CYP39A1: variants seen among roughly 807,000 people sequenced by gnomAD.
CYP39A1 encodes 24-hydroxycholesterol 7-alpha-hydroxylase.
A neutral mutation model predicts 58.1 loss-of-function variants in CYP39A1; 49 were observed. That is an observed-to-expected ratio of 0.84 (90% CI 0.67 to 1.07). The LOEUF is 1.07. Ranked by LOEUF, CYP39A1 falls within the 50% of genes least tolerant of loss-of-function variation. The pLI is 0.00. For synonymous variants in CYP39A1, 209 were observed against 187.6 expected (o/e 1.11, Z -0.93); for missense variants, 531 against 539.4 (o/e 0.98, Z 0.16).
chr6:46,652,664 C>T lies in CYP39A1; in HGVS notation c.-82G>A. On this transcript the variant is annotated 5_prime_UTR_variant, in exon 1 of 12. Coordinates refer to ENST00000275016, the MANE Select transcript of CYP39A1 (RefSeq NM_016593.5). ...TGCTTCTTTTCTGTGGGCTACGGAA[C>T]CTGTCGGGACTCCCAACCTTTCTGC... is the stretch of plus-strand genomic sequence containing the variant. 7.5e-7 allele frequency: 1 copy of T among 1,325,764 alleles called. No individual in the cohort carries two copies. The highest frequency in any genetic ancestry group is 1.6e-5 in the South Asian group (1 of 61,286). 82.1% of individuals were successfully genotyped at this position (1,325,764 alleles called of 1,614,324 possible). A position where few individuals can be genotyped will look rare whatever the true frequency, so the allele number is the denominator to read the frequency against.
chr6:46,573,357 T>C (rs1582314398), intron 10 of CYP39A1, among the ~76,000 whole-genome samples: 2 of 152,280 alleles, frequency 1.3e-5, no homozygotes, highest in Admixed American at 1.3e-4. Flanking sequence ...TGTGGTGGCA[T>C]AGTCTGTGCA....
intron 10 of CYP39A1, among the ~76,000 whole-genome samples, chr6:46,561,989 TAATAAC>T (rs1771001874): frequency 6.6e-6 from 1 of 152,152 alleles, no homozygotes; most frequent in Non-Finnish European, 1.5e-5. Flanking sequence ...TGGCTACAGT[TAATAAC>T]AATATGAAAG....
chr6:46,633,993 C>A (rs1465850184), intron 5 of CYP39A1, among the ~76,000 whole-genome samples: 1 of 152,186 alleles, frequency 6.6e-6, no homozygotes, highest in East Asian at 1.9e-4. Flanking sequence ...AAGTTGAATT[C>A]TCTCCTAAAG....
At chr6:46,617,897 T>C (rs1774711037) in intron 7 of CYP39A1, among the ~76,000 whole-genome samples, 1 of 152,166 alleles carries the variant, frequency 6.6e-6, no homozygotes, top group African/African-American at 2.4e-5. Flanking sequence ...ATATTAGACA[T>C]AAATAGTCTC....
intron 10 of CYP39A1, among the ~76,000 whole-genome samples, chr6:46,566,990 G>A (rs542331361): frequency 6.6e-6 from 1 of 152,020 alleles, no homozygotes; most frequent in South Asian, 2.1e-4. Context: ...TTTGGGAGAA[G>A]TGGGGGGGTG....
At chr6:46,604,932 C>T (rs1006641751) in intron 7 of CYP39A1, among the ~76,000 whole-genome samples, 12 of 151,482 alleles carry the variant, frequency 7.9e-5, no homozygotes, top group African/African-American at 1.9e-4. Context: ...GGCTTCCCTG[C>T]GCCACATTGG....
intron 3 of CYP39A1, 85 bp from the exon 4 acceptor site, chr6:46,638,063 G>A: frequency 1.5e-6 from 2 of 1,340,460 alleles, no homozygotes; most frequent in South Asian, 1.5e-5. Flanking sequence ...TTATTTCATA[G>A]CAATATATGG....
At chr6:46,558,816 T>C (rs1409349915) in intron 10 of CYP39A1, among the ~76,000 whole-genome samples, 1 of 151,876 alleles carries the variant, frequency 6.6e-6, no homozygotes, top group African/African-American at 2.4e-5. Flanking sequence ...ACCAACATGG[T>C]GAAACCCCGT....
intron 7 of CYP39A1, among the ~76,000 whole-genome samples, chr6:46,615,764 C>T (rs1028711273): frequency 5.7e-4 from 87 of 151,928 alleles, no homozygotes; most frequent in African/African-American, 2.0e-3. Flanking sequence ...CATCTTCCAA[C>T]AGAAATGCCA....
chr6:46,639,980 C>G (rs61012228), intron 2 of CYP39A1, among the ~76,000 whole-genome samples: 1 of 152,028 alleles, frequency 6.6e-6, no homozygotes. Flanking sequence ...CCGGCTGTGG[C>G]GGGCACCTGT....
chr6:46,569,977 G>T (rs1771493110), intron 10 of CYP39A1, among the ~76,000 whole-genome samples: 1 of 152,126 alleles, frequency 6.6e-6, no homozygotes, highest in Non-Finnish European at 1.5e-5. Context: ...ATTCAGAAGG[G>T]AAACAGTTCA....
chr6:46,641,187 TA>T (rs1323589459), intron 2 of CYP39A1, among the ~76,000 whole-genome samples: 1 of 152,076 alleles, frequency 6.6e-6, no homozygotes, highest in African/African-American at 2.4e-5. Flanking sequence ...ACACCTCTGA[TA>T]GGTAACTTAG....
intron 10 of CYP39A1, among the ~76,000 whole-genome samples, chr6:46,556,433 A>G (rs1027940297): frequency 3.3e-5 from 5 of 152,314 alleles, no homozygotes; most frequent in African/African-American, 1.2e-4. Flanking sequence ...GGATCTAGAT[A>G]GGAGTCTACT....
chr6:46,646,310 T>C (rs1762321976), intron 1 of CYP39A1, among the ~76,000 whole-genome samples: 1 of 152,102 alleles, frequency 6.6e-6, no homozygotes, highest in Non-Finnish European at 1.5e-5. Context: ...TGAATCCTGA[T>C]ATCATGAATG....
In CYP39A1 at chr6:46,652,814, A is replaced by C; in HGVS notation, c.-232T>G. The C allele has an allele frequency of 2.0e-6, 1 of 496,428 alleles. No homozygotes were observed. The highest frequency in any genetic ancestry group is 3.5e-6 in the Non-Finnish European group (1 of 285,806). The allele number at this position is 496,428 out of a possible 1,614,324, so 30.8% of individuals were successfully genotyped here. A position where few individuals can be genotyped will look rare whatever the true frequency, so the allele number is the denominator to read the frequency against. On this transcript the variant is annotated 5_prime_UTR_variant, in exon 1 of 12. In the 5' UTR this introduces an upstream ATG that the reference lacks. Transcript: ENST00000275016. ...TTTGAATCTCAGCCAGCGCGGAAAA[A>C]ATGCAAGGAGGGGCAGGGCCGGGCT...
intron 1 of CYP39A1, among the ~76,000 whole-genome samples, chr6:46,650,484 CTTTTTTTTTTTTTTTTTTTTTTTTT>C (rs567314746): frequency 2.8e-5 from 1 of 35,174 alleles, no homozygotes; most frequent in Non-Finnish European, 4.6e-5. Context: ...CAGTCATATT[CTTTTTTTTTTTTTTTTTTTTTTTTT>C]TTTTTTTTTT....
chr6:46,590,406 G>A lies in CYP39A1; in HGVS notation c.1066-2277C>T, dbSNP rs146903038. 3.1e-4 allele frequency among the ~76,000 whole-genome samples: 47 copies of A among 152,230 alleles called. 1 individual carries two copies. The East Asian group carries it at 9.1e-3, about 30-fold the overall frequency. The stretch of plus-strand genomic sequence containing the variant: ...TTGTAATTCAAGAAAGGTGCTCAGA[G>A]CTAAGTGGGTGCCAGGAATACATAA... On this transcript the variant is annotated intron_variant, in intron 8 of 11. Transcript: ENST00000275016.
intron 8 of CYP39A1, among the ~76,000 whole-genome samples, chr6:46,593,011 C>T (rs1384428176): frequency 1.3e-5 from 2 of 152,016 alleles, no homozygotes; most frequent in Non-Finnish European, 2.9e-5. Context: ...TCAAAAACTA[C>T]TAAATATTTA....
chr6:46,585,259 G>A (rs1029215445), intron 10 of CYP39A1, among the ~76,000 whole-genome samples: 2 of 151,956 alleles, frequency 1.3e-5, no homozygotes, highest in Non-Finnish European at 2.9e-5. Flanking sequence ...TTCAGTCATT[G>A]GTTTAAAATA....
Sources: gnomAD v4.1 joint callset for allele counts (sites outside exome capture counted in the v4.1 genomes callset) on GRCh38, gnomAD v4.1.1 for gene constraint, MANE v1.5 for transcripts, NCBI Gene and HGNC (gene_info 2026-07-23, HGNC 2026-07-21) for gene names.